WNT11: variants seen among roughly 807,000 people sequenced by gnomAD.
The protein encoded by WNT11 is Wnt family member 11, also known as protein Wnt-11.
A neutral mutation model predicts 35.6 loss-of-function variants in WNT11; 20 were observed. The observed-to-expected ratio is 0.56, with a 90% CI of 0.40 to 0.82. WNT11 has a LOEUF of 0.82. Among genes scored for constraint, WNT11 ranks in the 40% least tolerant of loss-of-function variants. The pLI is 0.00. For synonymous variants in WNT11, 200 were observed against 211.9 expected (o/e 0.94, Z 0.49); for missense variants, 459 against 504.4 (o/e 0.91, Z 0.86).
At chr11:76,209,164 C>G (rs1321386208), upstream of WNT11, among the ~76,000 whole-genome samples, 4 of 152,132 alleles carry the variant, frequency 2.6e-5, no homozygotes, top group Non-Finnish European at 5.9e-5. Flanking sequence ...TGCTTGGGGC[C>G]GGGCGCGTAG....
At chr11:76,192,435 T>C (rs989275801) in intron 3 of WNT11, among the ~76,000 whole-genome samples, 4 of 152,186 alleles carry the variant, frequency 2.6e-5, no homozygotes, top group African/African-American at 9.6e-5. Context: ...CCCCGCCGCC[T>C]GGCTGACTTT....
At chr11:76,187,962 G>A (rs1953123503) in intron 4 of WNT11, among the ~76,000 whole-genome samples, 1 of 152,156 alleles carries the variant, frequency 6.6e-6, no homozygotes, top group Non-Finnish European at 1.5e-5. Context: ...CTGCCTCCTG[G>A]GTTCAAGCGA....
intron 4 of WNT11, 141 bp from the exon 5 acceptor site, chr11:76,187,380 G>A (rs1953113853): frequency 2.5e-6 from 2 of 806,682 alleles, no homozygotes; most frequent in Admixed American, 3.8e-5. Context: ...GATCTTTGGG[G>A]AATTTTAAAT....
At chr11:76,202,117 A>G (rs1279753238) in intron 1 of WNT11, among the ~76,000 whole-genome samples, 1 of 152,122 alleles carries the variant, frequency 6.6e-6, no homozygotes, top group African/African-American at 2.4e-5. Flanking sequence ...GACCATTTCC[A>G]GGTGAGGCTT....
chr11:76,210,749 T>C (rs1428807785), upstream of WNT11: 2 of 875,338 alleles, frequency 2.3e-6, no homozygotes, highest in Non-Finnish European at 2.7e-6. Flanking sequence ...CCTCCTCGCC[T>C]GGCGCGATCT....
At chr11:76,205,258 T>G (rs1953453494) in intron 1 of WNT11, among the ~76,000 whole-genome samples, 1 of 152,096 alleles carries the variant, frequency 6.6e-6, no homozygotes, top group Non-Finnish European at 1.5e-5. Flanking sequence ...TCCAACTAAT[T>G]CACAAACCCT....
intron 4 of WNT11, among the ~76,000 whole-genome samples, chr11:76,190,517 C>T (rs1390663214): frequency 3.3e-5 from 5 of 152,144 alleles, no homozygotes; most frequent in Non-Finnish European, 7.3e-5. Flanking sequence ...CACCCCCTCC[C>T]TCTCCTGGAG....
upstream of WNT11, among the ~76,000 whole-genome samples, chr11:76,210,074 T>A (rs1369376168): frequency 6.7e-6 from 1 of 148,302 alleles, no homozygotes; most frequent in Non-Finnish European, 1.5e-5. Context: ...ACACCCTCTG[T>A]CGCGGGATCC....
chr11:76,206,473 C>T lies in WNT11; in HGVS notation c.-66G>A, dbSNP rs1392015792. On this transcript the variant is annotated 5_prime_UTR_variant, in exon 1 of 5. The change creates a new upstream start codon in the 5' untranslated region. Coordinates refer to ENST00000322563, the MANE Select transcript of WNT11 (RefSeq NM_004626.3). Reference sequence around the variant, plus strand: ...GCCGCGCCGAAGTCCTCCGCCTGCACGGCCGCCGCTGGTCCTGCACGCCGC... The same window carrying T: ...GCCGCGCCGAAGTCCTCCGCCTGCATGGCCGCCGCTGGTCCTGCACGCCGC... 1 of 1,322,044 alleles carries T rather than the reference C, an allele frequency of 7.6e-7. No individual in the cohort carries two copies. Among genetic ancestry groups the T allele is most frequent in the Non-Finnish European group, 9.6e-7 (1 of 1,037,558 alleles). 81.9% of individuals were successfully genotyped at this position (1,322,044 alleles called of 1,614,324 possible).
At position 76,194,483 on chromosome 11, in the gene WNT11, C is replaced by T; in HGVS notation, c.597+84G>A. On this transcript the variant is annotated intron_variant, in intron 3 of 4. Transcript: ENST00000322563. The surrounding 1 kb of genome is among the most constrained non-coding windows in gnomAD (Gnocchi z 5.4). ...GTCAGGGCCCGTCCCCCCGCACCCC[C>T]CACCACTGGGGCAAGCTGGGTGGCC... The T allele has an allele frequency of 6.8e-7, 1 of 1,473,170 alleles. No individual in the cohort carries two copies. Among genetic ancestry groups the T allele is most frequent in the Non-Finnish European group, 9.1e-7 (1 of 1,102,562 alleles). 91.3% of individuals were successfully genotyped at this position (1,473,170 alleles called of 1,614,324 possible).
At chr11:76,204,427 G>A (rs1184097892) in intron 1 of WNT11, among the ~76,000 whole-genome samples, 2 of 152,172 alleles carry the variant, frequency 1.3e-5, no homozygotes, top group African/African-American at 4.8e-5. Flanking sequence ...TCGGCCTCCA[G>A]GCTTCTGCTC....
upstream of WNT11, among the ~76,000 whole-genome samples, chr11:76,208,221 C>A (rs1017844964): frequency 1.3e-5 from 2 of 152,254 alleles, no homozygotes; most frequent in East Asian, 3.9e-4. Flanking sequence ...CGCGTTCCTG[C>A]GCGTGGGTAG....
intron 4 of WNT11, among the ~76,000 whole-genome samples, chr11:76,187,983 T>C (rs955843430): frequency 2.0e-5 from 3 of 152,134 alleles, no homozygotes; most frequent in African/African-American, 7.2e-5. Flanking sequence ...TTCTCTTGCC[T>C]CAGCCTCCCG....
upstream of WNT11, chr11:76,210,543 G>A: frequency 1.0e-6 from 1 of 985,298 alleles, no homozygotes; most frequent in South Asian, 4.7e-5. Context: ...GGCGAGTGCG[G>A]TTTCCAGCGG....
intron 1 of WNT11, among the ~76,000 whole-genome samples, chr11:76,203,415 T>C (rs1953416981): frequency 6.6e-6 from 1 of 152,164 alleles, no homozygotes; most frequent in South Asian, 2.1e-4. Context: ...TTTATGGATG[T>C]TCCCAACCGG....
At chr11:76,202,881 A>G (rs1042670181) in intron 1 of WNT11, among the ~76,000 whole-genome samples, 2 of 152,248 alleles carry the variant, frequency 1.3e-5, no homozygotes, top group Non-Finnish European at 2.9e-5. Flanking sequence ...TTGAGCCTGC[A>G]GATCCAGTCC....
Position 76,196,697 on chromosome 11 carries a change from C to T in WNT11, c.105G>A (p.Ser35=), listed in dbSNP as rs753963939. 6.8e-6 allele frequency: 11 copies of T among 1,611,014 alleles called. No homozygotes were observed. The highest frequency in any genetic ancestry group is 2.2e-5 in the East Asian group (1 of 44,786). Residue 35 remains serine (S), a synonymous_variant, in exon 2 of 5, where the codon TCG becomes TCA. Transcript: ENST00000322563. The stretch of plus-strand genomic sequence containing the variant: ...GTTGCGTCTGGTTCAGTGCCAGGGC[C>T]GATGGTGTCTTGGACAGCGCCCTGC... ...IKWLALSKTP[S]ALALNQTQHC... is the part of the protein sequence containing the mutation.
chr11:76,202,414 C>T (rs1953394153), intron 1 of WNT11, among the ~76,000 whole-genome samples: 1 of 152,164 alleles, frequency 6.6e-6, no homozygotes, highest in African/African-American at 2.4e-5. Context: ...TCCTGTTCTC[C>T]CAACCAGACC....
At chr11:76,191,541 AC>A in intron 4 of WNT11, 22 bp downstream of exon 4, 1 of 1,600,364 alleles carries the variant, frequency 6.2e-7, no homozygotes, top group East Asian at 2.2e-5. Context: ...ACCCTTTCCC[AC>A]CAAGGTGGCA....
Sources: allele counts gnomAD v4.1 joint callset (sites outside exome capture counted in the v4.1 genomes callset), GRCh38; gene constraint gnomAD v4.1.1; non-coding constraint Gnocchi (gnomAD v3.1); transcripts MANE v1.5; gene names NCBI Gene and HGNC (gene_info 2026-07-23, HGNC 2026-07-21).